The following ATL2 variants were observed in gnomAD, a reference collection of about 807,000 sequenced individuals.
The protein encoded by ATL2 is atlastin GTPase 2, also known as atlastin-2.
In ATL2, 31 loss-of-function variants were observed where a neutral mutation model predicts 73.9. The observed-to-expected ratio is 0.42, with a 90% CI of 0.32 to 0.57. ATL2 has a LOEUF of 0.57. Among genes scored for constraint, ATL2 ranks in the 20% least tolerant of loss-of-function variants. The pLI, the probability that ATL2 is intolerant of heterozygous loss-of-function variation, is 0.14. For missense variants in ATL2, 738 were observed against 702.6 expected (o/e 1.05, Z -0.57); for synonymous variants, 291 against 237.5 (o/e 1.23, Z -2.07).
intron 1 of ATL2, among the ~76,000 whole-genome samples, chr2:38,362,699 T>C (rs1183305852): frequency 6.6e-6 from 1 of 152,196 alleles, no homozygotes; most frequent in African/African-American, 2.4e-5. Context: ...ACAGATTCAG[T>C]AGTAAAACAA....
At chr2:38,299,946 C>T (rs1436618086) in intron 10 of ATL2, among the ~76,000 whole-genome samples, 1 of 152,152 alleles carries the variant, frequency 6.6e-6, no homozygotes, top group Admixed American at 6.5e-5. Context: ...TTGTCAAAGA[C>T]TCAGAATAGA....
chr2:38,293,971 G>A lies in ATL2; in HGVS notation c.*2023C>T, dbSNP rs1023043748. ...AGATTTTATAACTTTTTAAAAGTAA[G>A]CTGTCTTTAATTTCAGAAAATCTGC... On this transcript the variant is annotated 3_prime_UTR_variant, in exon 13 of 13. Transcript: ENST00000378954. Among the ~76,000 whole-genome samples, 26 of 152,190 alleles carry A rather than the reference G, an allele frequency of 1.7e-4. No individual in the cohort carries two copies. Among genetic ancestry groups the A allele is most frequent in the African/African-American group, 6.0e-4 (25 of 41,432 alleles).
At chr2:38,372,000 A>C (rs1671716500) in intron 1 of ATL2, among the ~76,000 whole-genome samples, 1 of 152,214 alleles carries the variant, frequency 6.6e-6, no homozygotes, top group African/African-American at 2.4e-5. Context: ...TGCAGAACTC[A>C]AGTTAAAATG....
chr2:38,377,105 C>T (rs775957656), intron 1 of ATL2, 38 bp downstream of exon 1: 3 of 1,589,752 alleles, frequency 1.9e-6, no homozygotes, highest in South Asian at 2.2e-5. Flanking sequence ...CGTCTCTCCC[C>T]ATCAGGGCCC....
chr2:38,348,085 T>A (rs544529709), intron 1 of ATL2, among the ~76,000 whole-genome samples: 1 of 152,194 alleles, frequency 6.6e-6, no homozygotes, highest in South Asian at 2.1e-4. Flanking sequence ...ACCTAGTTTA[T>A]AAGCAAATAT....
intron 1 of ATL2, among the ~76,000 whole-genome samples, chr2:38,364,934 C>A (rs1029458590): frequency 2.0e-5 from 3 of 151,894 alleles, no homozygotes; most frequent in Admixed American, 2.0e-4. Flanking sequence ...GTCCCAGCTA[C>A]TAGGGAGGCT....
At chr2:38,370,305 CG>C (rs202140235) in intron 1 of ATL2, among the ~76,000 whole-genome samples, 1,678 of 150,558 alleles carry the variant, frequency 0.011, 103 homozygotes, top group Admixed American at 0.097. Flanking sequence ...AAAAATTAGC[CG>C]GGCACGGTGG....
intron 1 of ATL2, among the ~76,000 whole-genome samples, chr2:38,343,887 C>A (rs571485973): frequency 6.6e-6 from 1 of 152,296 alleles, no homozygotes; most frequent in South Asian, 2.1e-4. Context: ...TTTCCCTGCA[C>A]AAGCTCTCTT....
chr2:38,341,400 G>A (rs962573313), intron 2 of ATL2, among the ~76,000 whole-genome samples: 6 of 152,088 alleles, frequency 3.9e-5, no homozygotes, highest in Non-Finnish European at 7.3e-5. Flanking sequence ...ACGTTGGGAC[G>A]CTGAGGTGGG....
intron 2 of ATL2, among the ~76,000 whole-genome samples, chr2:38,321,975 T>G (rs966622124): frequency 1.3e-5 from 2 of 152,148 alleles, no homozygotes; most frequent in African/African-American, 4.8e-5. Context: ...CTCCTGATAC[T>G]CCCCATAGAT....
intron 2 of ATL2, among the ~76,000 whole-genome samples, chr2:38,327,859 CAG>C (rs1225658003): frequency 3.9e-5 from 6 of 152,162 alleles, no homozygotes; most frequent in Admixed American, 6.5e-5. Context: ...CCATTTGAAT[CAG>C]AGAGGCGGAG....
At chr2:38,368,454 G>A (rs1022143359) in intron 1 of ATL2, among the ~76,000 whole-genome samples, 3 of 151,898 alleles carry the variant, frequency 2.0e-5, no homozygotes, top group Non-Finnish European at 4.4e-5. Flanking sequence ...GTTTCTCCAT[G>A]TTGGTCAGGC....
chr2:38,298,336 C>T lies in ATL2; in HGVS notation c.1440G>A (p.Ala480=), dbSNP rs776722063. 13 of 1,614,020 alleles carry T rather than the reference C, an allele frequency of 8.1e-6. No individual in the cohort carries two copies. The highest frequency in any genetic ancestry group is 3.3e-5 in the Admixed American group (2 of 60,010). The change falls in exon 12 of 13, where the codon GCG becomes GCA. Residue 480 remains alanine, a synonymous_variant. Transcript: ENST00000378954. ...YAARTPATLF[A]VMFAMYIISG... ...AGATTATATACATAGCAAACATGAC[C>T]GCAAACAGTGTGGCTGGGGTACGAG...
At chr2:38,307,203 CA>C (rs1193350550) in intron 9 of ATL2, among the ~76,000 whole-genome samples, 2 of 151,942 alleles carry the variant, frequency 1.3e-5, no homozygotes, top group Non-Finnish European at 2.9e-5. Context: ...ACTAAAAATA[CA>C]AAAATCAGCT....
intron 11 of ATL2, 33 bp from the exon 12 acceptor site, chr2:38,298,608 G>A (rs370576887): frequency 7.0e-6 from 11 of 1,566,264 alleles, no homozygotes; most frequent in Non-Finnish European, 9.5e-6. Context: ...TTACATGCTA[G>A]AAATAATTAA....
chr2:38,327,157 C>T (rs1181268143), intron 2 of ATL2, among the ~76,000 whole-genome samples: 1 of 151,886 alleles, frequency 6.6e-6, no homozygotes, highest in Non-Finnish European at 1.5e-5. Context: ...GGAATGTTGT[C>T]GCCAATACGT....
chr2:38,296,637 A>AAGCT (rs774439474), intron 12 of ATL2: 1 of 1,602,864 alleles, frequency 6.2e-7, no homozygotes, highest in Non-Finnish European at 8.5e-7. Flanking sequence ...GAGTGCCTCG[A>AAGCT]AGCTAAAGAG....
intron 2 of ATL2, among the ~76,000 whole-genome samples, chr2:38,325,641 CACACACACACACACACCAGT>C (rs1472106844): frequency 2.5e-5 from 2 of 81,042 alleles, no homozygotes; most frequent in African/African-American, 1.3e-4. Context: ...CACACACACA[CACACACACACACACACCAGT>C]ACACACACAC....
At chr2:38,377,996 G>C (rs1672083507), upstream of ATL2, among the ~76,000 whole-genome samples, 3 of 152,192 alleles carry the variant, frequency 2.0e-5, no homozygotes, top group South Asian at 6.2e-4. Context: ...ACTCTAATCG[G>C]AAAATGAATC....
Sources: allele counts gnomAD v4.1 joint callset (sites outside exome capture counted in the v4.1 genomes callset), GRCh38; gene constraint gnomAD v4.1.1; transcripts MANE v1.5; gene names NCBI Gene and HGNC (gene_info 2026-07-23, HGNC 2026-07-21).